RASSF6: variants seen among roughly 807,000 people sequenced by gnomAD.
The protein encoded by RASSF6 is ras association domain-containing protein 6.
A neutral mutation model predicts 44.0 loss-of-function variants in RASSF6; 52 were observed. That is an observed-to-expected ratio of 1.18 (90% CI 0.95 to 1.49). The LOEUF is 1.49. Among genes scored for constraint, RASSF6 ranks in the 40% most tolerant of loss-of-function variants. RASSF6 has a pLI of 0.00. For missense variants in RASSF6, 464 were observed against 393.3 expected (o/e 1.18, Z -1.52); for synonymous variants, 162 against 124.6 (o/e 1.30, Z -2.00).
At chr4:73,579,848 A>G (rs1448323590) in intron 8 of RASSF6, among the ~76,000 whole-genome samples, 2 of 151,806 alleles carry the variant, frequency 1.3e-5, no homozygotes, top group Non-Finnish European at 2.9e-5. Flanking sequence ...TTTCCAAAAA[A>G]TAGATCTTTA....
At position 73,576,002 on chromosome 4, in the gene RASSF6, C is replaced by T; in HGVS notation, c.*233G>A. The T allele has an allele frequency of 2.7e-6, 1 of 372,676 alleles. No individual in the cohort carries two copies. Among genetic ancestry groups the T allele is most frequent in the Admixed American group, 4.4e-5 (1 of 22,602 alleles). The allele number at this position is 372,676 out of a possible 1,614,324, so 23.1% of individuals were successfully genotyped here. A position where few individuals can be genotyped will look rare whatever the true frequency, so the allele number is the denominator to read the frequency against. On this transcript the variant is annotated 3_prime_UTR_variant, in exon 11 of 11. Transcript: ENST00000307439. ...TACTATAAAAGCTATTTGGCATATG[C>T]AGTATTCAAGCTTATTTCAGTTACT...
intron 6 of RASSF6, 125 bp from the exon 7 acceptor site, chr4:73,582,415 G>T: frequency 6.7e-6 from 3 of 448,366 alleles, no homozygotes; most frequent in East Asian, 3.3e-5. Flanking sequence ...AATTTGTTTT[G>T]TTTTTGTTTG....
In RASSF6 at chr4:73,575,990, A is replaced by AT. The variant is rs146320046; in HGVS notation, c.*244dup. The AT allele has an allele frequency of 4.2e-3, 1,363 of 323,934 alleles. 16 individuals carry two copies. Among genetic ancestry groups the AT allele is most frequent in the African/African-American group, 0.026 (1,227 of 46,784 alleles). 20.1% of individuals were successfully genotyped at this position (323,934 alleles called of 1,614,324 possible). On this transcript the variant is annotated 3_prime_UTR_variant, in exon 11 of 11. Transcript: ENST00000307439. ...CATTACATGGTTTACTATAAAAGCT[A>AT]TTTGGCATATGCAGTATTCAAGCTT...
intron 2 of RASSF6, among the ~76,000 whole-genome samples, chr4:73,605,962 G>A: frequency 6.6e-6 from 1 of 152,068 alleles, no homozygotes; most frequent in East Asian, 1.9e-4. Context: ...ATACACTGTT[G>A]GTGGGAATGT....
chr4:73,598,764 A>G (rs891619545), intron 2 of RASSF6, 46 bp from the exon 3 acceptor site: 4 of 834,850 alleles, frequency 4.8e-6, no homozygotes, highest in East Asian at 3.0e-5. Context: ...AGAGTTTTTA[A>G]CGTAAAAGGT....
In RASSF6 at chr4:73,602,806, C is replaced by T. The variant is rs944192212; in HGVS notation, c.66-4088G>A. On this transcript the variant is annotated intron_variant, in intron 2 of 10. Coordinates refer to ENST00000307439, the MANE Select transcript of RASSF6 (RefSeq NM_177532.5). ...ACGCCCAAGAAATAGACACAAGTTT[C>T]GGCCAGGCGCGGTGGCTCATGCCTG... 7.9e-5 allele frequency among the ~76,000 whole-genome samples: 12 copies of T among 152,228 alleles called. No homozygotes were observed. The East Asian group carries it at 2.3e-3, about 29-fold the overall frequency.
At chr4:73,597,977 T>C (rs1421415483) in intron 3 of RASSF6, among the ~76,000 whole-genome samples, 1 of 152,102 alleles carries the variant, frequency 6.6e-6, no homozygotes, top group Non-Finnish European at 1.5e-5. Flanking sequence ...GGGTGGAATT[T>C]GGGAGGAGGG....
At chr4:73,581,793 A>C (rs1247671) in intron 8 of RASSF6, 24 bp downstream of exon 8, 1,173,138 of 1,549,720 alleles carry the variant, frequency 0.76, 446,088 homozygotes, top group East Asian at 0.88. Flanking sequence ...GAGTCAGGTA[A>C]AAAGTGTGAT....
intron 6 of RASSF6, among the ~76,000 whole-genome samples, chr4:73,584,436 G>A (rs922381128): frequency 6.6e-6 from 1 of 152,112 alleles, no homozygotes; most frequent in Non-Finnish European, 1.5e-5. Flanking sequence ...TCAGCAAAAT[G>A]TAATGTCTTA....
chr4:73,578,276 G>A (rs1723376726), intron 8 of RASSF6, among the ~76,000 whole-genome samples: 1 of 152,236 alleles, frequency 6.6e-6, no homozygotes, highest in African/African-American at 2.4e-5. Context: ...AGTTAGAGGT[G>A]TGAGGAAAGA....
chr4:73,598,187 T>C (rs1000312996), intron 3 of RASSF6, among the ~76,000 whole-genome samples: 2 of 152,246 alleles, frequency 1.3e-5, no homozygotes, highest in Non-Finnish European at 2.9e-5. Context: ...ATTTTTATTA[T>C]TTTGATATAG....
At chr4:73,592,889 A>C (rs1284735874) in intron 4 of RASSF6, among the ~76,000 whole-genome samples, 2 of 152,194 alleles carry the variant, frequency 1.3e-5, no homozygotes, top group Non-Finnish European at 2.9e-5. Context: ...AGTCAAGACC[A>C]CAGGCTGTGG....
At chr4:73,581,465 C>T (rs1560439851) in intron 8 of RASSF6, among the ~76,000 whole-genome samples, 1 of 152,110 alleles carries the variant, frequency 6.6e-6, no homozygotes, top group Non-Finnish European at 1.5e-5. Context: ...ATCATGACTC[C>T]TCTAAGAGCA....
At chr4:73,598,779 A>C in intron 2 of RASSF6, 61 bp from the exon 3 acceptor site, 1 of 701,402 alleles carries the variant, frequency 1.4e-6, no homozygotes, top group Non-Finnish European at 2.3e-6. Context: ...AAAGGTGATA[A>C]TGGTACTTTC....
intron 8 of RASSF6, among the ~76,000 whole-genome samples, chr4:73,578,407 C>T (rs1723384054): frequency 6.6e-6 from 1 of 152,036 alleles, no homozygotes; most frequent in African/African-American, 2.4e-5. Flanking sequence ...AATAAAACTG[C>T]TTTTTTTAAA....
intron 2 of RASSF6, among the ~76,000 whole-genome samples, chr4:73,602,332 C>A (rs1447376351): frequency 1.3e-5 from 2 of 152,166 alleles, no homozygotes; most frequent in Non-Finnish European, 2.9e-5. Flanking sequence ...ATGAGTGAGA[C>A]CACTGCAACA....
At chr4:73,618,301 T>TCTATCTATCTATCTATCTATCTATCTATC (rs141840617) in intron 1 of RASSF6, among the ~76,000 whole-genome samples, 2 of 150,216 alleles carry the variant, frequency 1.3e-5, no homozygotes, top group Non-Finnish European at 3.0e-5. Context: ...TATAAAGTTG[T>TCTATCTATCTATCTATCTATCTATCTATC]TATCTATCTA....
chr4:73,608,031 C>A (rs1725766454), intron 2 of RASSF6, among the ~76,000 whole-genome samples: 1 of 117,824 alleles, frequency 8.5e-6, no homozygotes, highest in Non-Finnish European at 1.8e-5. Flanking sequence ...TCCATCCCCT[C>A]CCCTCCCCTC....
At chr4:73,591,329 T>C (rs1724539358) in intron 4 of RASSF6, among the ~76,000 whole-genome samples, 1 of 152,164 alleles carries the variant, frequency 6.6e-6, no homozygotes, top group South Asian at 2.1e-4. Context: ...AAAATAATGA[T>C]GGTTTAAGGT....
Sources: allele counts gnomAD v4.1 joint callset (sites outside exome capture counted in the v4.1 genomes callset), GRCh38; gene constraint gnomAD v4.1.1; transcripts MANE v1.5; gene names NCBI Gene and HGNC (gene_info 2026-07-23, HGNC 2026-07-21).